IL2RA: variants seen among roughly 807,000 people sequenced by gnomAD.
IL2RA encodes the protein interleukin 2 receptor subunit alpha.
Under a neutral mutation model 37.8 loss-of-function variants are expected in IL2RA, and 24 were observed. That is an observed-to-expected ratio of 0.63 (90% CI 0.46 to 0.89). The LOEUF (loss-of-function observed/expected upper bound fraction) is 0.89, where lower values mean the gene tolerates loss of function less well. IL2RA is among the 40% of genes least tolerant of loss of function. The pLI, the probability that IL2RA is intolerant of heterozygous loss-of-function variation, is 0.00. For missense variants in IL2RA, 319 were observed against 348.6 expected (o/e 0.92, Z 0.68); for synonymous variants, 125 against 114.6 (o/e 1.09, Z -0.58).
chr10:6,021,577 C>T lies in IL2RA; in HGVS notation c.484G>A (p.Gly162Ser), dbSNP rs146966522. 32 of 1,613,892 alleles carry T rather than the reference C, an allele frequency of 2.0e-5. No homozygotes were observed. The African/African-American group carries it at 3.9e-4, about 20-fold the overall frequency. The stretch of plus-strand genomic sequence containing the variant: ...ATTTTGCAGACGCTCTCAGCAGGAC[C>T]TCTGTGTAGAGCCCTGTATCCCTGG... The part of the protein sequence containing the change: ...CVQGYRALHR[G>S]PAESVCKMTH... Residue 162 changes from glycine to serine, a missense_variant, in exon 4 of 8, where the codon GGT becomes AGT. Coordinates refer to ENST00000379959, the MANE Select transcript of IL2RA (RefSeq NM_000417.3). This position sits in a 1 kb window ranked among gnomAD's most constrained non-coding sequence, Gnocchi z 4.9.
chr10:6,049,220 C>A (rs766190034), intron 1 of IL2RA, among the ~76,000 whole-genome samples: 9 of 152,172 alleles, frequency 5.9e-5, no homozygotes, highest in Non-Finnish European at 1.2e-4. Flanking sequence ...AGCTGGAGAA[C>A]CAGGAGTGCA....
chr10:6,037,349 A>G (rs1405107214), intron 1 of IL2RA, among the ~76,000 whole-genome samples: 2 of 152,082 alleles, frequency 1.3e-5, no homozygotes, highest in African/African-American at 4.8e-5. Context: ...GGGGGCTGAT[A>G]AAGATGTGGA....
chr10:6,045,523 G>A (rs1394267498), intron 1 of IL2RA, among the ~76,000 whole-genome samples: 1 of 152,104 alleles, frequency 6.6e-6, no homozygotes, highest in Admixed American at 6.5e-5. Context: ...AGGCTTCCGG[G>A]CATGAAAGAG....
In IL2RA at chr10:6,058,180, T is replaced by C. The variant is rs1418540453; in HGVS notation, c.64+3908A>G. Among the ~76,000 whole-genome samples, 1 of 152,070 alleles carries C rather than the reference T, an allele frequency of 6.6e-6. No homozygotes were observed. Among genetic ancestry groups the C allele is most frequent in the Non-Finnish European group, 1.5e-5 (1 of 67,994 alleles). ...GAGGTATTCAGAATACCCAAGGCTT[T>C]AGGCAAAAACCAGTCTGGGAATACT... On this transcript the variant is annotated intron_variant, in intron 1 of 7. Coordinates refer to ENST00000379959, the MANE Select transcript of IL2RA (RefSeq NM_000417.3). The surrounding 1 kb of genome is among the most constrained non-coding windows in gnomAD (Gnocchi z 4.2).
chr10:6,024,129 C>T lies in IL2RA; in HGVS notation c.367+115G>A, dbSNP rs1179768543. On this transcript the variant is annotated intron_variant, in intron 3 of 7. Coordinates refer to ENST00000379959, the MANE Select transcript of IL2RA (RefSeq NM_000417.3). ...ATGATGTCTTGGGAGGACGGAGCCA[C>T]ATGCATGTGTTTATAGAAGGCAGGG... 3 of 743,426 alleles carry T rather than the reference C, an allele frequency of 4.0e-6. No individual in the cohort carries two copies. The South Asian group carries it at 4.4e-5, about 11-fold the overall frequency. The allele number at this position is 743,426 out of a possible 1,614,324, so 46.1% of individuals were successfully genotyped here.
chr10:6,024,437 A>G lies in IL2RA; in HGVS notation c.257-83T>C. ...TGTTCATGTATTCATTCACTTGAGA[A>G]GCACACCTGTCCAGGGCCCACGATG... On this transcript the variant is annotated intron_variant, in intron 2 of 7. Coordinates refer to ENST00000379959, the MANE Select transcript of IL2RA (RefSeq NM_000417.3). The G allele has an allele frequency of 2.9e-6, 3 of 1,025,002 alleles. No individual in the cohort carries two copies. In the East Asian group the frequency reaches 7.4e-5, roughly 25 times the overall value. 63.5% of individuals were successfully genotyped at this position (1,025,002 alleles called of 1,614,324 possible).
At chr10:6,031,730 A>G (rs1440617641) in intron 1 of IL2RA, among the ~76,000 whole-genome samples, 2 of 151,902 alleles carry the variant, frequency 1.3e-5, no homozygotes, top group Non-Finnish European at 2.9e-5. Flanking sequence ...GGAAAAATAT[A>G]CTATCTTTAT....
chr10:6,018,094 G>A lies in IL2RA; in HGVS notation c.753C>T (p.Ile251=), dbSNP rs12722698. 3.1e-3 allele frequency: 4,951 copies of A among 1,613,914 alleles called. 136 individuals carry two copies. The African/African-American group carries it at 0.059, about 19-fold the overall frequency. ...VAVAGCVFLL[I]SVLLLSGLTW... is the part of the protein sequence containing the mutation. ...TGAGCCCACTCAGGAGGAGGACGCT[G>A]ATCAGCAGGAAAACACAGCCGGCCA... Residue 251 remains isoleucine, a synonymous_variant, in exon 7 of 8, where the codon ATC becomes ATT. Transcript: ENST00000379959. This position sits in a 1 kb window ranked among gnomAD's most constrained non-coding sequence, Gnocchi z 5.1.
intron 1 of IL2RA, among the ~76,000 whole-genome samples, chr10:6,037,242 C>G (rs1034912104): frequency 6.6e-6 from 1 of 152,120 alleles, no homozygotes; most frequent in African/African-American, 2.4e-5. Flanking sequence ...GGTTGAGTAA[C>G]TTTTTGTCGT....
At position 6,012,927 on chromosome 10, in the gene IL2RA, TG is replaced by T; in HGVS notation, c.795-32del. The T allele has an allele frequency of 6.2e-7, 1 of 1,611,804 alleles. No individual in the cohort carries two copies. Among genetic ancestry groups the T allele is most frequent in the African/African-American group, 1.3e-5 (1 of 74,996 alleles). ...GTGGTGTAACAAAGTCACGGTCATA[TG>T]TGTAACACGGCACCAAAAAAATGTG... On this transcript the variant is annotated intron_variant, in intron 7 of 7. Coordinates refer to ENST00000379959, the MANE Select transcript of IL2RA (RefSeq NM_000417.3). This position sits in a 1 kb window ranked among gnomAD's most constrained non-coding sequence, Gnocchi z 4.8.
chr10:6,031,497 T>TATATATAC (rs1839588543), intron 1 of IL2RA, among the ~76,000 whole-genome samples: 1 of 72,100 alleles, frequency 1.4e-5, no homozygotes, highest in Non-Finnish European at 2.8e-5. Context: ...TATATATGTA[T>TATATATAC]ATATATATAT....
At chr10:6,053,753 C>A (rs779784223) in intron 1 of IL2RA, among the ~76,000 whole-genome samples, 2 of 152,224 alleles carry the variant, frequency 1.3e-5, no homozygotes, top group African/African-American at 2.4e-5. Flanking sequence ...TCTTGGCCCC[C>A]CAAAGTGCTG....
rs2132851000 is a variant in IL2RA, at chr10:6,019,884, AGGCAGGAAGTCTCACTCTCAGGAC to A, written c.617_640del (p.Arg206_Cys213del). Reference sequence around the variant, plus strand: ...TTCTCCCGCACCTGTTGTTGTGACGAGGCAGGAAGTCTCACTCTCAGGACGGCCTTCGGGGCTTGCCTGAGGCTT... The same window carrying A: ...TTCTCCCGCACCTGTTGTTGTGACGAGGCCTTCGGGGCTTGCCTGAGGCTT... On this transcript the variant is annotated inframe_deletion, in exon 5 of 8. Coordinates refer to ENST00000379959, the MANE Select transcript of IL2RA (RefSeq NM_000417.3). 3 of 1,614,040 alleles carry A rather than the reference AGGCAGGAAGTCTCACTCTCAGGAC, an allele frequency of 1.9e-6. No homozygotes were observed. The highest frequency in any genetic ancestry group is 1.7e-6 in the Non-Finnish European group (2 of 1,179,942).
rs1324019885 is a variant in IL2RA, at chr10:6,062,213, A to G, written c.-62T>C. 2 of 1,410,180 alleles carry G rather than the reference A, an allele frequency of 1.4e-6. No individual in the cohort carries two copies. Among genetic ancestry groups the G allele is most frequent in the Non-Finnish European group, 2.0e-6 (2 of 995,182 alleles). 87.4% of individuals were successfully genotyped at this position (1,410,180 alleles called of 1,614,324 possible). Reference sequence around the variant, plus strand: ...GGAGGTCTTTCTCTGCAGAAGGCCCAGTTGCCGTCAGCCTCTTTTTGGCAT... The same window carrying G: ...GGAGGTCTTTCTCTGCAGAAGGCCCGGTTGCCGTCAGCCTCTTTTTGGCAT... On this transcript the variant is annotated 5_prime_UTR_variant, in exon 1 of 8. Coordinates refer to ENST00000379959, the MANE Select transcript of IL2RA (RefSeq NM_000417.3).
chr10:6,019,967 G>T (rs754108969), intron 4 of IL2RA, 26 bp from the exon 5 acceptor site: 3 of 1,602,890 alleles, frequency 1.9e-6, no homozygotes, highest in Non-Finnish European at 2.6e-6. Flanking sequence ...AGTGATGCTG[G>T]TGGAGCTAAA....
chr10:6,016,673 A>C (rs1414197407), intron 7 of IL2RA, among the ~76,000 whole-genome samples: 1 of 152,044 alleles, frequency 6.6e-6, no homozygotes, highest in South Asian at 2.1e-4. Context: ...CCTGGGTTCA[A>C]GTGATTCTCC....
At chr10:6,016,859 C>T (rs1378304283) in intron 7 of IL2RA, among the ~76,000 whole-genome samples, 1 of 152,200 alleles carries the variant, frequency 6.6e-6, no homozygotes, top group African/African-American at 2.4e-5. Flanking sequence ...AGGCATGAGC[C>T]ACAACTCCTG....
rs1341074677 is a variant in IL2RA at position 6,033,368 on chromosome 10, A to G, written c.65-7343T>C. ...AAGTATTTTTATTGACGTTAAATAT[A>G]TACCTGCCCTACAATTCAGCAATTC... On this transcript the variant is annotated intron_variant, in intron 1 of 7. Transcript: ENST00000379959. The surrounding 1 kb of genome is among the most constrained non-coding windows in gnomAD (Gnocchi z 4.3). 6.6e-6 allele frequency among the ~76,000 whole-genome samples: 1 copy of G among 152,194 alleles called. No homozygotes were observed. Among genetic ancestry groups the G allele is most frequent in the Non-Finnish European group, 1.5e-5 (1 of 68,036 alleles).
rs533193529 is a variant in IL2RA, at chr10:6,024,023, A to G, written c.367+221T>C. ...TTACCAAACCAGGGAGTAAGCCCAG[A>G]CCTGGATTGGCTGCCGTCAGATTGG... is the stretch of plus-strand genomic sequence containing the variant. On this transcript the variant is annotated intron_variant, in intron 3 of 7. Transcript: ENST00000379959. Among the ~76,000 whole-genome samples, 178 of 152,320 alleles carry G rather than the reference A, an allele frequency of 1.2e-3. 1 individual carries two copies. Among genetic ancestry groups the G allele is most frequent in the African/African-American group, 3.9e-3 (164 of 41,574 alleles).
Sources: allele counts gnomAD v4.1 joint callset (sites outside exome capture counted in the v4.1 genomes callset), GRCh38; gene constraint gnomAD v4.1.1; non-coding constraint Gnocchi (gnomAD v3.1); transcripts MANE v1.5; gene names NCBI Gene and HGNC (gene_info 2026-07-23, HGNC 2026-07-21).